The following ATXN7L1 variants were observed in gnomAD, a reference collection of about 807,000 sequenced individuals.
The protein encoded by ATXN7L1 is ataxin 7 like 1.
ATXN7L1 carries 15 observed loss-of-function variants against 70.8 expected under a neutral mutation model. That is an observed-to-expected ratio of 0.21 (90% CI 0.14 to 0.33). ATXN7L1 has a LOEUF of 0.33. Ranked by LOEUF, ATXN7L1 falls within the 10% of genes least tolerant of loss-of-function variation. The pLI is 1.00. For synonymous variants in ATXN7L1, 440 were observed against 445.1 expected, an observed-to-expected ratio of 0.99 and a Z score of 0.14; for missense variants, 975 against 1,097.1, an observed-to-expected ratio of 0.89 and a Z score of 1.57.
chr7:105,622,979 C>T (rs1321036673), intron 8 of ATXN7L1, among the ~76,000 whole-genome samples: 1 of 151,840 alleles, frequency 6.6e-6, no homozygotes, highest in Non-Finnish European at 1.5e-5. Context: ...GAGCACCTGC[C>T]TCTACACGCC....
chr7:105,646,625 C>T (rs1799070886), intron 4 of ATXN7L1, among the ~76,000 whole-genome samples: 1 of 152,046 alleles, frequency 6.6e-6, no homozygotes, highest in Non-Finnish European at 1.5e-5. Flanking sequence ...ACCATGTTGG[C>T]CAGGCTGGTC....
At chr7:105,848,714 C>G (rs1320137643) in intron 2 of ATXN7L1, among the ~76,000 whole-genome samples, 1 of 152,190 alleles carries the variant, frequency 6.6e-6, no homozygotes, top group Non-Finnish European at 1.5e-5. Context: ...CTACAGTGAT[C>G]ACATATCACT....
intron 5 of ATXN7L1, among the ~76,000 whole-genome samples, chr7:105,639,802 CG>C (rs1797907269): frequency 6.6e-6 from 1 of 152,176 alleles, no homozygotes; most frequent in Non-Finnish European, 1.5e-5. Flanking sequence ...AGTCTAGCTT[CG>C]GCAGCACCGC....
In ATXN7L1 at chr7:105,605,042, C is replaced by CGTTTTTT; in HGVS notation, c.*2809_*2810insAAAAAAC. On this transcript the variant is annotated 3_prime_UTR_variant, in exon 12 of 12. Transcript: ENST00000419735. The stretch of plus-strand genomic sequence containing the variant: ...GAAGGCATACAAGTTATCCAAGTCG[C>CGTTTTTT]TTTTTTTTTTTTTTTTTTTTTTTTA... 2 of 71,558 alleles carry CGTTTTTT rather than the reference C, an allele frequency of 2.8e-5. No homozygotes were observed. The highest frequency in any genetic ancestry group is 5.0e-5 in the Non-Finnish European group (2 of 40,346). The allele number at this position is 71,558 out of a possible 1,614,324, so 4.4% of individuals were successfully genotyped here.
At chr7:105,864,513 G>T (rs764482795) in intron 2 of ATXN7L1, among the ~76,000 whole-genome samples, 1 of 147,062 alleles carries the variant, frequency 6.8e-6, no homozygotes, top group Non-Finnish European at 1.5e-5. Flanking sequence ...CTTCACTCCC[G>T]GTTGTTTCGT....
chr7:105,788,277 G>A, intron 3 of ATXN7L1: 1 of 252,296 alleles, frequency 4.0e-6, no homozygotes. Context: ...ATGTCTGGCT[G>A]CAGGAGCGAC....
chr7:105,852,928 G>A (rs925726783), intron 2 of ATXN7L1, among the ~76,000 whole-genome samples: 2 of 152,010 alleles, frequency 1.3e-5, no homozygotes, highest in African/African-American at 2.4e-5. Flanking sequence ...GAAACATTAC[G>A]CTCAGTGAAA....
intron 2 of ATXN7L1, among the ~76,000 whole-genome samples, chr7:105,820,973 G>C (rs993235548): frequency 6.6e-6 from 1 of 152,206 alleles, no homozygotes; most frequent in African/African-American, 2.4e-5. Context: ...TGCCGAGCAG[G>C]TGTTGGTGCC....
In ATXN7L1 at chr7:105,761,366, C is replaced by T. The variant is rs566660587; in HGVS notation, c.355+27238G>A. ...TTTCAGAAGTTGTACGTCTCTTCTG[C>T]GTTTTCCATTCTCACACCTGATGCT... On this transcript the variant is annotated intron_variant, in intron 3 of 11. Transcript: ENST00000419735. 21 of 1,613,914 alleles carry T rather than the reference C, an allele frequency of 1.3e-5. No homozygotes were observed. In the East Asian group the frequency reaches 1.3e-4, roughly 10 times the overall value.
At chr7:105,662,155 T>C (rs1801816732) in intron 4 of ATXN7L1, among the ~76,000 whole-genome samples, 1 of 150,422 alleles carries the variant, frequency 6.6e-6, no homozygotes, top group South Asian at 2.1e-4. Context: ...CAGCCTGGAG[T>C]GCAATGGAGC....
chr7:105,640,360 G>A (rs879839414), intron 5 of ATXN7L1, among the ~76,000 whole-genome samples: 1 of 152,130 alleles, frequency 6.6e-6, no homozygotes. Flanking sequence ...ATGTCTGTGC[G>A]GAGAGGCCAG....
chr7:105,674,405 C>G (rs975614413), intron 3 of ATXN7L1, among the ~76,000 whole-genome samples: 2 of 152,198 alleles, frequency 1.3e-5, no homozygotes, highest in African/African-American at 4.8e-5. Flanking sequence ...GCTCATCTAC[C>G]CAATAACCCT....
intron 2 of ATXN7L1, among the ~76,000 whole-genome samples, chr7:105,859,900 G>A (rs960956744): frequency 3.4e-5 from 5 of 147,948 alleles, no homozygotes; most frequent in South Asian, 2.1e-4. Context: ...CTCCCACCTC[G>A]GCCTCCCAAG....
chr7:105,794,043 G>A (rs1805645884), intron 2 of ATXN7L1, among the ~76,000 whole-genome samples: 1 of 147,036 alleles, frequency 6.8e-6, no homozygotes, highest in African/African-American at 2.5e-5. Flanking sequence ...AACATGTGGT[G>A]TACACGCTGA....
chr7:105,785,751 T>C (rs1478367884), intron 3 of ATXN7L1, among the ~76,000 whole-genome samples: 3 of 151,864 alleles, frequency 2.0e-5, no homozygotes, highest in Non-Finnish European at 4.4e-5. Context: ...TTAGTGCCCA[T>C]ATAAGAGACC....
intron 2 of ATXN7L1, among the ~76,000 whole-genome samples, chr7:105,874,475 G>A (rs1357597988): frequency 2.6e-5 from 4 of 152,168 alleles, no homozygotes; most frequent in South Asian, 4.1e-4. Context: ...ACACAAATAA[G>A]CTGCCACTTG....
intron 2 of ATXN7L1, among the ~76,000 whole-genome samples, chr7:105,833,485 C>A (rs139688039): frequency 6.6e-6 from 1 of 152,016 alleles, no homozygotes; most frequent in Non-Finnish European, 1.5e-5. Context: ...AAGAATACAG[C>A]GAAGAAAATA....
intron 3 of ATXN7L1, among the ~76,000 whole-genome samples, chr7:105,773,137 C>T (rs942621896): frequency 4.6e-5 from 7 of 152,100 alleles, no homozygotes; most frequent in African/African-American, 1.7e-4. Flanking sequence ...CTATGTGTGG[C>T]CTAGTTGCTA....
At chr7:105,774,941 A>T (rs1802520973) in intron 3 of ATXN7L1, among the ~76,000 whole-genome samples, 1 of 152,224 alleles carries the variant, frequency 6.6e-6, no homozygotes, top group Non-Finnish European at 1.5e-5. Context: ...AAACAAACAA[A>T]TAACAGAAAC....
Sources: gnomAD v4.1 joint callset for allele counts (sites outside exome capture counted in the v4.1 genomes callset) on GRCh38, gnomAD v4.1.1 for gene constraint, MANE v1.5 for transcripts, NCBI Gene and HGNC (gene_info 2026-07-23, HGNC 2026-07-21) for gene names.